The following AKAP9 variants were observed in gnomAD, a reference collection of about 807,000 sequenced individuals.
The protein encoded by AKAP9 is A-kinase anchor protein 9.
In AKAP9, 311 loss-of-function variants were observed where a neutral mutation model predicts 488.5. The ratio of observed to expected loss-of-function variants is 0.64; its 90% CI spans 0.58 to 0.70. AKAP9 has a LOEUF of 0.70. AKAP9 is among the 30% of genes least tolerant of loss of function. The pLI, the probability that AKAP9 is intolerant of heterozygous loss-of-function variation, is 0.00. For synonymous variants in AKAP9, 1,462 were observed against 1,483.5 expected, an observed-to-expected ratio of 0.99 and a Z score of 0.33; for missense variants, 4,215 against 4,374.5, an observed-to-expected ratio of 0.96 and a Z score of 1.03.
At chr7:91,969,335 A>G (rs765743731) in intron 1 of AKAP9, among the ~76,000 whole-genome samples, 9 of 152,198 alleles carry the variant, frequency 5.9e-5, no homozygotes, top group Admixed American at 3.9e-4. Flanking sequence ...GACCTAATAT[A>G]TGGTCTATTC....
intron 28 of AKAP9, among the ~76,000 whole-genome samples, chr7:92,072,922 A>G (rs548180993): frequency 6.6e-6 from 1 of 152,328 alleles, no homozygotes; most frequent in East Asian, 1.9e-4. Flanking sequence ...CCTTAAGGGA[A>G]GTTAAATAAC....
At position 92,002,698 on chromosome 7, in the gene AKAP9, A is replaced by G. The variant is rs766339646; in HGVS notation, c.2781A>G (p.Thr927=). 1.2e-6 allele frequency: 2 copies of G among 1,613,518 alleles called. No individual in the cohort carries two copies. Among genetic ancestry groups the G allele is most frequent in the African/African-American group, 1.3e-5 (1 of 74,908 alleles). ...FDEDKTFVAE[T]LEMGEVVEKD... ...AAGACAAAACTTTTGTAGCAGAAAC[A>G]TTGGAAATGGGTGAGGTTGTTGAAA... is the stretch of plus-strand genomic sequence containing the variant. Residue 927 remains threonine, a synonymous_variant, in exon 8 of 50, where the codon ACA becomes ACG. Transcript: ENST00000356239.
chr7:92,056,188 C>T (rs576134741), intron 22 of AKAP9, among the ~76,000 whole-genome samples: 5 of 151,968 alleles, frequency 3.3e-5, no homozygotes, highest in African/African-American at 9.6e-5. Context: ...TAATTTTTCT[C>T]TCTTATCTTT....
intron 1 of AKAP9, among the ~76,000 whole-genome samples, chr7:91,962,732 C>T (rs1393361820): frequency 2.0e-5 from 3 of 152,082 alleles, no homozygotes; most frequent in African/African-American, 4.8e-5. Context: ...TCGTTCTAAG[C>T]ACTATAATAG....
chr7:92,042,855 T>C lies in AKAP9; in HGVS notation c.5162+84T>C, dbSNP rs140173960. On this transcript the variant is annotated intron_variant, in intron 20 of 49. Transcript: ENST00000356239. Reference sequence around the variant, plus strand: ...ATAGACTTTGTCCTTATTTTTATCTTGTACATTGATACTTTGTCTTAAAAA... The same window carrying C: ...ATAGACTTTGTCCTTATTTTTATCTCGTACATTGATACTTTGTCTTAAAAA... 236 of 898,046 alleles carry C rather than the reference T, an allele frequency of 2.6e-4. 1 individual carries two copies. The African/African-American group carries it at 3.6e-3, about 14-fold the overall frequency. 55.6% of individuals were successfully genotyped at this position (898,046 alleles called of 1,614,324 possible). A position where few individuals can be genotyped will look rare whatever the true frequency, so the allele number is the denominator to read the frequency against.
chr7:92,007,495 A>G (rs1424204737), intron 8 of AKAP9, among the ~76,000 whole-genome samples: 1 of 151,968 alleles, frequency 6.6e-6, no homozygotes, highest in Non-Finnish European at 1.5e-5. Flanking sequence ...CAAGTGATTT[A>G]TATCTTTAAT....
At chr7:91,948,088 C>G (rs1316173968) in intron 1 of AKAP9, among the ~76,000 whole-genome samples, 2 of 152,170 alleles carry the variant, frequency 1.3e-5, no homozygotes, top group African/African-American at 2.4e-5. Context: ...AGTATGTTTT[C>G]AAGGTTCATC....
At chr7:91,941,801 C>A (rs759359608) in intron 1 of AKAP9, among the ~76,000 whole-genome samples, 12 of 151,858 alleles carry the variant, frequency 7.9e-5, no homozygotes, top group Admixed American at 5.9e-4. Flanking sequence ...TTCTGAGGAC[C>A]GAAAGGTTCC....
At chr7:92,076,770 G>C (rs1812649481) in intron 28 of AKAP9, 85 bp from the exon 29 acceptor site, 1 of 812,376 alleles carries the variant, frequency 1.2e-6, no homozygotes, top group Non-Finnish European at 1.9e-6. Context: ...TGCATACTTT[G>C]TAAAGCTAAT....
At chr7:92,086,651 A>C (rs1814624954) in intron 37 of AKAP9, among the ~76,000 whole-genome samples, 2 of 152,214 alleles carry the variant, frequency 1.3e-5, no homozygotes, top group Non-Finnish European at 2.9e-5. Flanking sequence ...AATAATCCCA[A>C]ACAAATTTGA....
chr7:92,037,721 A>G (rs1429766781), intron 16 of AKAP9, among the ~76,000 whole-genome samples: 1 of 152,240 alleles, frequency 6.6e-6, no homozygotes. Context: ...CCAGTCATAC[A>G]AACTAAGTGT....
chr7:92,054,220 G>A (rs547663189), intron 22 of AKAP9, among the ~76,000 whole-genome samples: 5 of 152,170 alleles, frequency 3.3e-5, no homozygotes, highest in African/African-American at 9.6e-5. Flanking sequence ...TCTTGAACCT[G>A]ATGAATATTT....
intron 39 of AKAP9, 51 bp from the exon 40 acceptor site, chr7:92,094,972 T>A (rs557270488): frequency 3.8e-6 from 6 of 1,577,098 alleles, no homozygotes; most frequent in Non-Finnish European, 5.2e-6. Flanking sequence ...TCTCTCATTA[T>A]ATGCTTCGTC....
At chr7:92,105,590 ATATT>A (rs1818382393) in intron 46 of AKAP9, 84 bp from the exon 47 acceptor site, 1 of 942,054 alleles carries the variant, frequency 1.1e-6, no homozygotes, top group African/African-American at 1.6e-5. Context: ...TTCTATGTTC[ATATT>A]TAAACGTGTG....
chr7:92,013,282 C>T (rs1032328703), intron 9 of AKAP9, among the ~76,000 whole-genome samples: 4 of 151,848 alleles, frequency 2.6e-5, no homozygotes, highest in Non-Finnish European at 4.4e-5. Flanking sequence ...TGAGCCACCG[C>T]GCCCGGCCGG....
intron 48 of AKAP9, 130 bp from the exon 49 acceptor site, chr7:92,108,364 A>C: frequency 1.2e-6 from 1 of 864,046 alleles, no homozygotes; most frequent in African/African-American, 1.6e-5. Flanking sequence ...TCCAAAGCTG[A>C]AGCTTGGAGG....
In AKAP9 at chr7:92,002,935, A is replaced by G. The variant is rs1799346462; in HGVS notation, c.3018A>G (p.Ala1006=). The change falls in exon 8 of 50, where the codon GCA becomes GCG. Residue 1006 remains alanine (A), a synonymous_variant. Transcript: ENST00000356239. The part of the protein sequence containing the change: ...ELEIIINHNR[A]ENVQSCDTQV... Reference sequence around the variant, plus strand: ...AAATCATTATTAACCACAACAGGGCAGAAAATGTACAGTCATGTGATACTC... The same window carrying G: ...AAATCATTATTAACCACAACAGGGCGGAAAATGTACAGTCATGTGATACTC... 3 of 1,611,764 alleles carry G rather than the reference A, an allele frequency of 1.9e-6. No homozygotes were observed. Among genetic ancestry groups the G allele is most frequent in the Non-Finnish European group, 2.5e-6 (3 of 1,179,304 alleles).
intron 48 of AKAP9, chr7:92,107,885 G>C (rs923286823): frequency 5.2e-5 from 9 of 174,534 alleles, no homozygotes; most frequent in Admixed American, 1.1e-4. Flanking sequence ...CAGGCATGGT[G>C]GTGGGTGCCT....
intron 36 of AKAP9, among the ~76,000 whole-genome samples, 183 bp downstream of exon 36, chr7:92,085,869 C>T (rs890622599): frequency 1.3e-5 from 2 of 152,056 alleles, no homozygotes; most frequent in African/African-American, 2.4e-5. Flanking sequence ...TTTGGGAGGC[C>T]GAGGTGGGTG....
Sources: allele counts gnomAD v4.1 joint callset (sites outside exome capture counted in the v4.1 genomes callset), GRCh38; gene constraint gnomAD v4.1.1; transcripts MANE v1.5; gene names NCBI Gene and HGNC (gene_info 2026-07-23, HGNC 2026-07-21).